The following ABLIM1 variants were observed in gnomAD, a reference collection of about 807,000 sequenced individuals.
ABLIM1 encodes actin-binding LIM protein 1.
ABLIM1 carries 40 observed loss-of-function variants against 107.0 expected under a neutral mutation model. The ratio of observed to expected loss-of-function variants is 0.37; its 90% confidence interval spans 0.29 to 0.49. ABLIM1 has a LOEUF of 0.49. Ranked by LOEUF, ABLIM1 falls within the 20% of genes least tolerant of loss-of-function variation. The pLI is 0.97. For missense variants in ABLIM1, 857 were observed against 1,008.5 expected (o/e 0.85, Z 2.04); for synonymous variants, 357 against 357.3 (o/e 1.00, Z 0.01).
At chr10:114,742,400 G>C (rs1466189692) in intron 1 of ABLIM1, among the ~76,000 whole-genome samples, 1 of 152,118 alleles carries the variant, frequency 6.6e-6, no homozygotes, top group East Asian at 1.9e-4. Flanking sequence ...AAAAAAGAGG[G>C]AAGATGCAAT....
At chr10:114,728,249 C>T (rs1038661495) in intron 1 of ABLIM1, among the ~76,000 whole-genome samples, 5 of 152,032 alleles carry the variant, frequency 3.3e-5, no homozygotes, top group Admixed American at 1.3e-4. Context: ...TGTGGAGAAA[C>T]GGGAACGCTT....
chr10:114,451,061 C>T (rs2061804107), intron 14 of ABLIM1, among the ~76,000 whole-genome samples: 1 of 152,120 alleles, frequency 6.6e-6, no homozygotes. Flanking sequence ...GAAGAGAAAA[C>T]TGAAGCACAG....
rs542287805 is a variant in ABLIM1 at position 114,482,494 on chromosome 10, G to T, written c.1041+5464C>A. Reference sequence around the variant, plus strand: ...AAAATGAGCTGCTGTGTAGCCAAAAGTACTTAAAAGATAACATATCTGTGA... The same window carrying T: ...AAAATGAGCTGCTGTGTAGCCAAAATTACTTAAAAGATAACATATCTGTGA... On this transcript the variant is annotated intron_variant, in intron 8 of 22. Transcript: ENST00000533213. Among the ~76,000 whole-genome samples the T allele has an allele frequency of 6.6e-4, 100 of 152,284 alleles. 2 individuals carry two copies. The highest frequency in any genetic ancestry group is 2.4e-3 in the African/African-American group (98 of 41,554).
At chr10:114,518,803 G>A (rs770389473) in intron 6 of ABLIM1, among the ~76,000 whole-genome samples, 3 of 145,078 alleles carry the variant, frequency 2.1e-5, no homozygotes, top group African/African-American at 5.1e-5. Context: ...ATTTATTTAC[G>A]ATGAGCTCAC....
intron 1 of ABLIM1, among the ~76,000 whole-genome samples, chr10:114,611,151 CAA>C (rs71007482): frequency 2.2e-5 from 3 of 135,520 alleles, no homozygotes; most frequent in Non-Finnish European, 3.1e-5. Flanking sequence ...GACTCCATCT[CAA>C]AAAAAAAAAA....
chr10:114,618,022 A>C (rs2077237192), intron 1 of ABLIM1, among the ~76,000 whole-genome samples: 1 of 151,692 alleles, frequency 6.6e-6, no homozygotes, highest in South Asian at 2.1e-4. Flanking sequence ...TGCCTGCCCC[A>C]CTCCTCCCAA....
At chr10:114,523,160 A>G (rs1463915169) in intron 6 of ABLIM1, among the ~76,000 whole-genome samples, 1 of 152,118 alleles carries the variant, frequency 6.6e-6, no homozygotes, top group Non-Finnish European at 1.5e-5. Context: ...CAAAAAACAA[A>G]ACAAAACAAA....
At chr10:114,719,438 A>G (rs1387272953) in intron 1 of ABLIM1, among the ~76,000 whole-genome samples, 1 of 152,214 alleles carries the variant, frequency 6.6e-6, no homozygotes, top group Non-Finnish European at 1.5e-5. Flanking sequence ...GCTGGATGCC[A>G]AATCCTATCC....
upstream of ABLIM1, among the ~76,000 whole-genome samples, chr10:114,662,373 G>C (rs957497393): frequency 2.6e-5 from 4 of 152,090 alleles, no homozygotes; most frequent in African/African-American, 9.7e-5. Context: ...GTGAAAAAGG[G>C]GTGCAATTGG....
chr10:114,707,332 A>C lies in ABLIM1; in HGVS notation c.-213+60729T>G, dbSNP rs1191786089. ...ACTGCAATCTCTGCCTCCCAGGTTCAAGCGATTCTCCAGCCTCAGCCTTCC... is the reference window on the plus strand; with the variant it reads ...ACTGCAATCTCTGCCTCCCAGGTTCCAGCGATTCTCCAGCCTCAGCCTTCC... On this transcript the variant is annotated intron_variant, in intron 1 of 15. Transcript: ENST00000651092. This position sits in a 1 kb window ranked among gnomAD's most constrained non-coding sequence, Gnocchi z 4.1. 6.6e-6 allele frequency among the ~76,000 whole-genome samples: 1 copy of C among 152,136 alleles called. No individual in the cohort carries two copies. The highest frequency in any genetic ancestry group is 1.5e-5 in the Non-Finnish European group (1 of 68,032).
intron 1 of ABLIM1, among the ~76,000 whole-genome samples, chr10:114,622,793 G>A (rs2077551182): frequency 6.6e-6 from 1 of 152,020 alleles, no homozygotes; most frequent in African/African-American, 2.4e-5. Flanking sequence ...ATAAAGACAA[G>A]GAGGATAAAG....
chr10:114,793,963 C>T, the ABLIM1 span, among the ~76,000 whole-genome samples: 2 of 152,234 alleles, frequency 1.3e-5, no homozygotes, highest in Non-Finnish European at 2.9e-5. Flanking sequence ...TCTGCAGTTA[C>T]AGTCCTGTAG....
At chr10:114,751,748 CAAAAA>C (rs34322728) in intron 1 of ABLIM1, among the ~76,000 whole-genome samples, 1 of 118,338 alleles carries the variant, frequency 8.5e-6, no homozygotes. Flanking sequence ...GACTCTGTCT[CAAAAA>C]AAAAAAAAAA....
At chr10:114,465,557 G>A in intron 12 of ABLIM1, 141 bp downstream of exon 12, 2 of 963,384 alleles carry the variant, frequency 2.1e-6, no homozygotes, top group Non-Finnish European at 3.0e-6. Flanking sequence ...AAATATAGTT[G>A]GATACCAGTT....
intron 5 of ABLIM1, among the ~76,000 whole-genome samples, chr10:114,545,755 T>C (rs997520192): frequency 3.3e-5 from 5 of 151,352 alleles, no homozygotes; most frequent in Admixed American, 3.3e-4. Context: ...GGAAGCCCTG[T>C]TTCTACTTTA....
intron 1 of ABLIM1, among the ~76,000 whole-genome samples, chr10:114,703,229 T>C (rs1435239651): frequency 6.6e-6 from 1 of 152,192 alleles, no homozygotes; most frequent in African/African-American, 2.4e-5. Context: ...CTTACAGACA[T>C]CCTCTCCATC....
chr10:114,503,268 C>T (rs951575265), intron 6 of ABLIM1, among the ~76,000 whole-genome samples: 1 of 151,954 alleles, frequency 6.6e-6, no homozygotes, highest in East Asian at 1.9e-4. Context: ...CTGGGTAACA[C>T]GGTAAAACCC....
At chr10:114,637,616 T>A (rs2078546053) in intron 1 of ABLIM1, among the ~76,000 whole-genome samples, 1 of 152,210 alleles carries the variant, frequency 6.6e-6, no homozygotes, top group Admixed American at 6.5e-5. Flanking sequence ...AGCAATAGGT[T>A]GCACCTCAAG....
rs2059089831 is a variant in ABLIM1 at position 114,433,752 on chromosome 10, A to C, written c.*2508T>G. 1 of 152,190 alleles carries C rather than the reference A, an allele frequency of 6.6e-6. No homozygotes were observed. Among genetic ancestry groups the C allele is most frequent in the Non-Finnish European group, 1.5e-5 (1 of 68,028 alleles). 9.4% of individuals were successfully genotyped at this position (152,190 alleles called of 1,614,324 possible). ...AGGGGGTTGTCCCAGTTTTCAGTCT[A>C]ATGTCCCCATTCTATGACAGACCCA... is the stretch of plus-strand genomic sequence containing the variant. On this transcript the variant is annotated 3_prime_UTR_variant, in exon 23 of 23. Transcript: ENST00000533213.
Sources: gnomAD v4.1 joint callset for allele counts (sites outside exome capture counted in the v4.1 genomes callset) on GRCh38, gnomAD v4.1.1 for gene constraint, Gnocchi (gnomAD v3.1) non-coding constraint, MANE v1.5 for transcripts, NCBI Gene and HGNC (gene_info 2026-07-23, HGNC 2026-07-21) for gene names.